Variants in MYO1E observed in about 807,000 individuals in gnomAD.
The protein encoded by MYO1E is unconventional myosin-Ie.
A neutral mutation model predicts 151.1 loss-of-function variants in MYO1E; 68 were observed. That is an observed-to-expected ratio of 0.45 (90% confidence interval 0.37 to 0.55). The LOEUF (loss-of-function observed/expected upper bound fraction) is 0.55, where lower values mean the gene tolerates loss of function less well. Ranked by LOEUF, MYO1E falls within the 20% of genes least tolerant of loss-of-function variation. MYO1E has a pLI of 0.00. For synonymous variants in MYO1E, 601 were observed against 501.7 expected (o/e 1.20, Z -2.64); for missense variants, 1,363 against 1,389.3 (o/e 0.98, Z 0.30).
intron 1 of MYO1E, among the ~76,000 whole-genome samples, chr15:59,332,159 T>C (rs1040417219): frequency 6.6e-6 from 1 of 152,238 alleles, no homozygotes; most frequent in South Asian, 2.1e-4. Flanking sequence ...AAATAGATAA[T>C]GTAGACATTA....
chr15:59,181,891 A>C (rs12916831), intron 18 of MYO1E, among the ~76,000 whole-genome samples: 14 of 152,294 alleles, frequency 9.2e-5, no homozygotes, highest in African/African-American at 3.1e-4. Flanking sequence ...GCAATTTTAT[A>C]AACAAAGCCT....
intron 10 of MYO1E, among the ~76,000 whole-genome samples, chr15:59,216,592 G>GTTTCTATCTA (rs55698726): frequency 9.7e-6 from 1 of 103,192 alleles, no homozygotes; most frequent in Non-Finnish European, 2.1e-5. Flanking sequence ...GTGTGTGTGT[G>GTTTCTATCTA]TGTATCTATC....
chr15:59,242,921 G>C (rs1019573862), intron 4 of MYO1E, among the ~76,000 whole-genome samples: 1 of 151,872 alleles, frequency 6.6e-6, no homozygotes, highest in Non-Finnish European at 1.5e-5. Flanking sequence ...AGCTGTAAAG[G>C]GCAAAAAACA....
rs2079351653 is a variant in MYO1E at position 59,132,601 on chromosome 15, CA to C, written c.*4778del. 1 of 152,132 alleles carries C rather than the reference CA, an allele frequency of 6.6e-6. No individual in the cohort carries two copies. The highest frequency in any genetic ancestry group is 2.4e-5 in the African/African-American group (1 of 41,412). The allele number at this position is 152,132 out of a possible 1,614,324, so 9.4% of individuals were successfully genotyped here. A position where few individuals can be genotyped will look rare whatever the true frequency, so the allele number is the denominator to read the frequency against. The stretch of plus-strand genomic sequence containing the variant: ...GGAAATGAGTGGCAGAAGTAGAAAC[CA>C]TATCATAAAAACACGGAAATTAAAA... On this transcript the variant is annotated 3_prime_UTR_variant, in exon 28 of 28. Coordinates refer to ENST00000288235, the MANE Select transcript of MYO1E (RefSeq NM_004998.4).
intron 1 of MYO1E, among the ~76,000 whole-genome samples, chr15:59,310,392 C>G (rs1416076354): frequency 6.6e-6 from 1 of 152,270 alleles, no homozygotes; most frequent in Middle Eastern, 3.4e-3. Context: ...CAAGTTAAGA[C>G]GAAGTCAGCA....
At chr15:59,369,102 A>C (rs2080930573) in intron 1 of MYO1E, among the ~76,000 whole-genome samples, 1 of 152,218 alleles carries the variant, frequency 6.6e-6, no homozygotes, top group Admixed American at 6.5e-5. Context: ...TGTGGAAATC[A>C]AGTAGGTTAC....
At chr15:59,177,862 T>TC (rs1342999628) in intron 19 of MYO1E, among the ~76,000 whole-genome samples, 2 of 152,152 alleles carry the variant, frequency 1.3e-5, no homozygotes, top group African/African-American at 2.4e-5. Context: ...CTTTCTAGGC[T>TC]CCCCCACAGC....
Position 59,215,659 on chromosome 15 carries a change from TATC to T in MYO1E, c.1108-942_1108-940del, listed in dbSNP as rs2079908959. Among the ~76,000 whole-genome samples the T allele has an allele frequency of 2.0e-5, 3 of 152,146 alleles. No homozygotes were observed. In the East Asian group the frequency reaches 5.8e-4, roughly 29 times the overall value. On this transcript the variant is annotated intron_variant, in intron 10 of 27. Coordinates refer to ENST00000288235, the MANE Select transcript of MYO1E (RefSeq NM_004998.4). ...TGTTTTCCAGGCAAACAAAATGAAA[TATC>T]ATCTTTTGTGAGCGAATGAGTAATC...
chr15:59,184,420 G>A (rs1414331139), intron 18 of MYO1E, among the ~76,000 whole-genome samples: 2 of 152,000 alleles, frequency 1.3e-5, no homozygotes, highest in East Asian at 3.9e-4. Context: ...TAGTACAGTG[G>A]CAAAATCTTC....
At chr15:59,160,971 C>G in intron 24 of MYO1E, 102 bp downstream of exon 24, 1 of 1,476,010 alleles carries the variant, frequency 6.8e-7, no homozygotes, top group Non-Finnish European at 9.4e-7. Flanking sequence ...AGAAGGTGTA[C>G]TGATTCTCAG....
At position 59,256,501 on chromosome 15, in the gene MYO1E, T is replaced by G. The variant is rs1455069414; in HGVS notation, c.238-123A>C. On this transcript the variant is annotated intron_variant, in intron 3 of 27. Transcript: ENST00000288235. ...CTGAATTTGGAAACGAATCGTGCAC[T>G]ATAGTTCCAATGCCTATCATTACAT... 7 of 491,804 alleles carry G rather than the reference T, an allele frequency of 1.4e-5. No homozygotes were observed. In the Admixed American group the frequency reaches 2.0e-4, roughly 14 times the overall value. 30.5% of individuals were successfully genotyped at this position (491,804 alleles called of 1,614,324 possible). A position where few individuals can be genotyped will look rare whatever the true frequency, so the allele number is the denominator to read the frequency against.
chr15:59,235,994 G>A (rs1472756425), intron 5 of MYO1E, among the ~76,000 whole-genome samples: 6 of 152,014 alleles, frequency 3.9e-5, no homozygotes, highest in African/African-American at 1.4e-4. Context: ...CATGTCCTTT[G>A]TTTATTTTCC....
intron 7 of MYO1E, among the ~76,000 whole-genome samples, chr15:59,225,882 G>A (rs113829580): frequency 4.6e-5 from 7 of 152,070 alleles, no homozygotes; most frequent in African/African-American, 7.2e-5. Flanking sequence ...TCCTGACCTC[G>A]TGATTCACCC....
intron 17 of MYO1E, among the ~76,000 whole-genome samples, chr15:59,194,176 A>C (rs753229781): frequency 7.9e-6 from 1 of 127,314 alleles, no homozygotes; most frequent in Non-Finnish European, 1.6e-5. Flanking sequence ...TCTTGTCTCC[A>C]AAAAAAAAAA....
In MYO1E at chr15:59,338,467, A is replaced by G. The variant is rs80298904; in HGVS notation, c.3+34031T>C. 8.0e-3 allele frequency among the ~76,000 whole-genome samples: 1,216 copies of G among 152,244 alleles called. 16 individuals are homozygous for G. The highest frequency in any genetic ancestry group is 0.025 in the African/African-American group (1,045 of 41,540). On this transcript the variant is annotated intron_variant, in intron 1 of 27. Transcript: ENST00000288235. ...ACCTGCTGAATTGCAGAGAACAGAG[A>G]AAAATGTTTCCTCTCTGGTTTTAGA...
At chr15:59,232,829 T>C (rs930927842) in intron 5 of MYO1E, among the ~76,000 whole-genome samples, 20 of 152,200 alleles carry the variant, frequency 1.3e-4, no homozygotes, top group African/African-American at 3.6e-4. Context: ...TAACTGACTA[T>C]GTAACAGCCA....
At chr15:59,287,001 T>C (rs1267881391) in intron 1 of MYO1E, among the ~76,000 whole-genome samples, 1 of 151,958 alleles carries the variant, frequency 6.6e-6, no homozygotes, top group Non-Finnish European at 1.5e-5. Flanking sequence ...TCGCCAAGGG[T>C]CCTGCAGGCT....
At chr15:59,273,551 A>G (rs1661492191) in intron 1 of MYO1E, among the ~76,000 whole-genome samples, 1 of 152,214 alleles carries the variant, frequency 6.6e-6, no homozygotes, top group African/African-American at 2.4e-5. Flanking sequence ...TTGTCCTGGG[A>G]GAGGCAGAAG....
intron 14 of MYO1E, 138 bp from the exon 15 acceptor site, chr15:59,205,623 G>C: frequency 2.6e-6 from 2 of 777,700 alleles, no homozygotes; most frequent in South Asian, 1.5e-5. Context: ...ACAACATGTG[G>C]ATTTCCAGAT....
Sources: allele counts gnomAD v4.1 joint callset (sites outside exome capture counted in the v4.1 genomes callset), GRCh38; gene constraint gnomAD v4.1.1; transcripts MANE v1.5; gene names NCBI Gene and HGNC (gene_info 2026-07-23, HGNC 2026-07-21).